SMPD3: variants seen among roughly 807,000 people sequenced by gnomAD.
The protein encoded by SMPD3 is nSMase-2.
A neutral mutation model predicts 55.7 loss-of-function variants in SMPD3; 21 were observed. The ratio of observed to expected loss-of-function variants is 0.38; its 90% CI spans 0.27 to 0.54. SMPD3 has a LOEUF of 0.54. SMPD3 is among the 20% of genes least tolerant of loss of function. The probability of loss-of-function intolerance (pLI) is 0.80; values close to 1 mark genes in which losing one functional copy is unlikely to be tolerated. For synonymous variants in SMPD3, 457 were observed against 404.3 expected (o/e 1.13, Z -1.56); for missense variants, 842 against 899.6 (o/e 0.94, Z 0.82).
In SMPD3 at chr16:68,445,332, A is replaced by G. The variant is rs118120589; in HGVS notation, c.-269+3021T>C. The stretch of plus-strand genomic sequence containing the variant: ...AGATGCCTAAATCTCTTTGGCCTTG[A>G]TAAGTGTTTTCCATGCATTGTCCTT... On this transcript the variant is annotated intron_variant, in intron 1 of 8. Coordinates refer to ENST00000219334, the MANE Select transcript of SMPD3 (RefSeq NM_018667.4). Among the ~76,000 whole-genome samples, 832 of 152,372 alleles carry G rather than the reference A, an allele frequency of 5.5e-3. 4 individuals carry two copies. Among genetic ancestry groups the G allele is most frequent in the Non-Finnish European group, 8.1e-3 (550 of 68,032 alleles).
At chr16:68,436,888 C>A (rs1445748976) in intron 1 of SMPD3, among the ~76,000 whole-genome samples, 1 of 152,148 alleles carries the variant, frequency 6.6e-6, no homozygotes, top group African/African-American at 2.4e-5. Flanking sequence ...CTGAAATACA[C>A]CAGCCTTTGC....
intron 1 of SMPD3, among the ~76,000 whole-genome samples, chr16:68,408,206 A>G (rs1235772273): frequency 6.6e-6 from 1 of 152,214 alleles, no homozygotes; most frequent in Non-Finnish European, 1.5e-5. Context: ...TATTATTATT[A>G]AATAAAAGAT....
intron 1 of SMPD3, among the ~76,000 whole-genome samples, chr16:68,427,446 C>T (rs1398456617): frequency 6.6e-6 from 1 of 152,196 alleles, no homozygotes; most frequent in Non-Finnish European, 1.5e-5. Context: ...GAGGCTCTGG[C>T]AGCAACTGTC....
intron 1 of SMPD3, among the ~76,000 whole-genome samples, chr16:68,433,052 C>T (rs568454720): frequency 2.8e-4 from 43 of 152,290 alleles, no homozygotes; most frequent in African/African-American, 1.0e-3. Context: ...GACTCTCCTG[C>T]CTTGGCCTCC....
At chr16:68,415,315 G>T (rs1265061253) in intron 1 of SMPD3, among the ~76,000 whole-genome samples, 1 of 152,128 alleles carries the variant, frequency 6.6e-6, no homozygotes, top group African/African-American at 2.4e-5. Flanking sequence ...GCGTGGAGTG[G>T]GTCCCTGAGG....
rs367755278 is a variant in SMPD3 at position 68,426,947 on chromosome 16, A to C, written c.-269+21406T>G. Among the ~76,000 whole-genome samples, 282 of 149,760 alleles carry C rather than the reference A, an allele frequency of 1.9e-3. 5 individuals are homozygous for C. The South Asian group carries it at 0.054, about 29-fold the overall frequency. On this transcript the variant is annotated intron_variant, in intron 1 of 8. Transcript: ENST00000219334. ...GAGGAGACTGAGGCTTCCTAGGTCC[A>C]CTCAGCAGCCTATTTTAAATCAGAG...
intron 5 of SMPD3, 73 bp from the exon 6 acceptor site, chr16:68,363,939 C>T: frequency 3.7e-6 from 5 of 1,334,782 alleles, no homozygotes; most frequent in Non-Finnish European, 4.1e-6. Flanking sequence ...CCCCTGCTTC[C>T]CATCAGTTAC....
intron 2 of SMPD3, among the ~76,000 whole-genome samples, chr16:68,375,790 G>A (rs970688682): frequency 2.0e-5 from 3 of 152,188 alleles, no homozygotes; most frequent in African/African-American, 7.2e-5. Flanking sequence ...TCCTTATTCA[G>A]GAATTGATGG....
intron 2 of SMPD3, among the ~76,000 whole-genome samples, chr16:68,378,194 C>T (rs2089866804): frequency 6.6e-6 from 1 of 152,218 alleles, no homozygotes; most frequent in South Asian, 2.1e-4. Context: ...GTGGATTGCT[C>T]CAATCCAATT....
intron 1 of SMPD3, among the ~76,000 whole-genome samples, chr16:68,402,957 T>A (rs1479305502): frequency 6.6e-6 from 1 of 152,216 alleles, no homozygotes; most frequent in Admixed American, 6.5e-5. Flanking sequence ...GAAGCTTCGC[T>A]TCTATAATGA....
chr16:68,417,288 C>A (rs1054551316), intron 1 of SMPD3, among the ~76,000 whole-genome samples: 2 of 152,152 alleles, frequency 1.3e-5, no homozygotes, highest in African/African-American at 4.8e-5. Flanking sequence ...CTGATCCTGC[C>A]TTCTTCACTT....
intron 1 of SMPD3, among the ~76,000 whole-genome samples, chr16:68,431,246 C>T (rs2152029758): frequency 6.6e-6 from 1 of 152,344 alleles, no homozygotes. Context: ...AGAAAACAGC[C>T]TCTCAGATAA....
intron 1 of SMPD3, among the ~76,000 whole-genome samples, chr16:68,396,928 A>C (rs2090162581): frequency 6.6e-6 from 1 of 152,200 alleles, no homozygotes; most frequent in South Asian, 2.1e-4. Flanking sequence ...TGATTATATA[A>C]AAAATGTTTT....
chr16:68,363,816 A>C lies in SMPD3; in HGVS notation c.1606T>G (p.Cys536Gly). Residue 536 changes from cysteine (C) to glycine (G), a missense_variant, in exon 6 of 9, where the codon TGC becomes GGC. Around this residue, in one of 2 missense-constraint regions of SMPD3, gnomAD observed 649 missense variants for 643.6 expected, o/e 1.01. Transcript: ENST00000219334. The part of the protein sequence containing the change: ...HSLFTHYRDP[C>G]RLGPGEEKPW... ...TTCTCCTCACCAGGCCCCAGGCGGC[A>C]GGGGTCCCTGTAGTGGGTGAACAGG... The C allele has an allele frequency of 6.4e-7, 1 of 1,572,140 alleles. No individual in the cohort carries two copies. The highest frequency in any genetic ancestry group is 1.7e-4 in the Middle Eastern group (1 of 6,004).
intron 1 of SMPD3, among the ~76,000 whole-genome samples, chr16:68,435,070 C>T (rs1365628604): frequency 6.6e-6 from 1 of 152,106 alleles, no homozygotes; most frequent in East Asian, 1.9e-4. Context: ...AAAGTGTCAT[C>T]ACTACTACCT....
At chr16:68,383,221 T>G (rs2089986759) in intron 2 of SMPD3, among the ~76,000 whole-genome samples, 1 of 152,218 alleles carries the variant, frequency 6.6e-6, no homozygotes, top group Non-Finnish European at 1.5e-5. Context: ...AAGTCATCCC[T>G]TCTGCTCAGA....
chr16:68,381,505 G>A (rs1351221970), intron 2 of SMPD3, among the ~76,000 whole-genome samples: 1 of 152,236 alleles, frequency 6.6e-6, no homozygotes, highest in Non-Finnish European at 1.5e-5. Flanking sequence ...AGGTAGGACT[G>A]CACTTCCTGG....
rs191628477 is a variant in SMPD3, at chr16:68,446,318, G to A, written c.-269+2035C>T. Among the ~76,000 whole-genome samples, 42 of 152,272 alleles carry A rather than the reference G, an allele frequency of 2.8e-4. No individual in the cohort carries two copies. The East Asian group carries it at 2.9e-3, about 10-fold the overall frequency. On this transcript the variant is annotated intron_variant, in intron 1 of 8. Transcript: ENST00000219334. Reference sequence around the variant, plus strand: ...GAATTCCCCACTTACTGGGCCTTTCGCAGGCCAGGCAGGCTAGGCACAAAG... The same window carrying A: ...GAATTCCCCACTTACTGGGCCTTTCACAGGCCAGGCAGGCTAGGCACAAAG...
chr16:68,447,549 C>T lies in SMPD3; in HGVS notation c.-269+804G>A, dbSNP rs1272687456. On this transcript the variant is annotated intron_variant, in intron 1 of 8. Transcript: ENST00000219334. The surrounding 1 kb of genome is among the most constrained non-coding windows in gnomAD (Gnocchi z 5.1). ...CCTCCTGTCCTCGTACATCCCCCTA[C>T]ACTACCTCTCACACCCAGGCCACCC... Among the ~76,000 whole-genome samples the T allele has an allele frequency of 6.6e-6, 1 of 151,430 alleles. No homozygotes were observed. Among genetic ancestry groups the T allele is most frequent in the Non-Finnish European group, 1.5e-5 (1 of 67,738 alleles).
Sources: allele counts gnomAD v4.1 joint callset (sites outside exome capture counted in the v4.1 genomes callset), GRCh38; gene constraint gnomAD v4.1.1; regional missense constraint gnomAD v4.1.1; non-coding constraint Gnocchi (gnomAD v3.1); transcripts MANE v1.5; gene names NCBI Gene and HGNC (gene_info 2026-07-23, HGNC 2026-07-21).